Variants in ZNF48 observed in about 807,000 individuals in gnomAD.
The protein encoded by ZNF48 is zinc finger protein 553.
A neutral mutation model predicts 40.0 loss-of-function variants in ZNF48; 20 were observed. That is an observed-to-expected ratio of 0.50 (90% CI 0.35 to 0.73). The LOEUF is 0.73. Ranked by LOEUF, ZNF48 falls within the 30% of genes least tolerant of loss-of-function variation. The pLI, the probability that ZNF48 is intolerant of heterozygous loss-of-function variation, is 0.01. For missense variants in ZNF48, 726 were observed against 851.9 expected, an observed-to-expected ratio of 0.85 and a Z score of 1.84; for synonymous variants, 298 against 329.7, an observed-to-expected ratio of 0.90 and a Z score of 1.04.
chr16:30,390,608 T>G (rs929482733), upstream of ZNF48, among the ~76,000 whole-genome samples: 9 of 48,338 alleles, frequency 1.9e-4, no homozygotes, highest in East Asian at 0.017. Context: ...CGGGTTTTTT[T>G]TTTTTTTTTT....
rs1418287816 is a variant in ZNF48 at position 30,378,899 on chromosome 16, GGA to G, written c.-16+496_-16+497del. ...GAGAGGGAGGGAGGGAGGGAGGGAG[GGA>G]GAGAGAAGTCTGAGTGGTGAAGGCG... On this transcript the variant is annotated intron_variant, in intron 1 of 2. Transcript: ENST00000528032. 1.7e-5 allele frequency: 16 copies of G among 957,652 alleles called. No individual in the cohort carries two copies. The East Asian group carries it at 3.7e-4, about 22-fold the overall frequency. The allele number at this position is 957,652 out of a possible 1,614,324, so 59.3% of individuals were successfully genotyped here.
intron 1 of ZNF48, among the ~76,000 whole-genome samples, chr16:30,388,726 T>C (rs1488222036): frequency 6.8e-6 from 1 of 146,476 alleles, no homozygotes; most frequent in African/African-American, 2.5e-5. Flanking sequence ...CCATCTCTAC[T>C]AAAAAAAAAA....
rs750821321 is a variant in ZNF48 at position 30,397,803 on chromosome 16, A to G, written c.553A>G (p.Ile185Val). The G allele has an allele frequency of 5.6e-6, 9 of 1,613,318 alleles. No individual in the cohort carries two copies. The change falls in exon 3 of 3, where the codon ATC becomes GTC. Residue 185 changes from isoleucine (I) to valine (V), a missense_variant. By Grantham distance (29) the Ile-to-Val change is conservative. Around this residue, in one of 5 missense-constraint regions of ZNF48, gnomAD observed 378 missense variants for 449.1 expected, o/e 0.84. Coordinates refer to ENST00000613509, the MANE Select transcript of ZNF48 (RefSeq NM_001214909.2). The surrounding 1 kb of genome is among the most constrained non-coding windows in gnomAD (Gnocchi z 4.1). ...QGPPKIPRSRIPAGERPTICG... is the reference protein window; with the variant it reads ...QGPPKIPRSRVPAGERPTICG... ...TCCCCCAAAGATTCCTCGGTCCCGG[A>G]TCCCTGCTGGTGAGCGCCCCACTAT...
Position 30,389,626 on chromosome 16 carries a change from A to G in ZNF48, c.-15-6154A>G, listed in dbSNP as rs574404775. Among the ~76,000 whole-genome samples the G allele has an allele frequency of 5.3e-5, 8 of 150,462 alleles. No individual in the cohort carries two copies. The South Asian group carries it at 1.0e-3, about 20-fold the overall frequency. Reference sequence around the variant, plus strand: ...GGTCATTGTGTTAAATGTAGAGTTTATATGAATTAACAGTGACACCATAGT... The same window carrying G: ...GGTCATTGTGTTAAATGTAGAGTTTGTATGAATTAACAGTGACACCATAGT... On this transcript the variant is annotated intron_variant, in intron 1 of 2. Transcript: ENST00000528032.
At chr16:30,389,264 C>A (rs544751070) in intron 1 of ZNF48, among the ~76,000 whole-genome samples, 103 of 151,158 alleles carry the variant, frequency 6.8e-4, no homozygotes, top group Non-Finnish European at 1.2e-3. Context: ...TGGTAGTGGG[C>A]CCTGTAGTCC....
At chr16:30,388,813 G>C (rs2049920222) in intron 1 of ZNF48, among the ~76,000 whole-genome samples, 1 of 152,068 alleles carries the variant, frequency 6.6e-6, no homozygotes, top group Non-Finnish European at 1.5e-5. Flanking sequence ...AGAATTGCTT[G>C]AACTCAGGAT....
upstream of ZNF48, among the ~76,000 whole-genome samples, chr16:30,393,595 G>A (rs2049957868): frequency 6.6e-6 from 1 of 152,050 alleles, no homozygotes; most frequent in Admixed American, 6.5e-5. Flanking sequence ...ATGTTGGCCA[G>A]ATTGGTCTCA....
upstream of ZNF48, among the ~76,000 whole-genome samples, chr16:30,393,212 G>A (rs1487504226): frequency 6.6e-6 from 1 of 151,964 alleles, no homozygotes; most frequent in African/African-American, 2.4e-5. Context: ...AAGTAGCTGG[G>A]ATTACAGGCG....
chr16:30,379,640 C>CT (rs71149011), intron 1 of ZNF48: 36,462 of 232,128 alleles, frequency 0.16, 5,166 homozygotes, highest in Non-Finnish European at 0.18. Flanking sequence ...GCCCCTTCCT[C>CT]TTTTTTTTTT....
Position 30,398,286 on chromosome 16 carries a change from C to A in ZNF48, c.1036C>A (p.Arg346=). The A allele has an allele frequency of 6.2e-7, 1 of 1,613,510 alleles. No homozygotes were observed. Among genetic ancestry groups the A allele is most frequent in the South Asian group, 1.1e-5 (1 of 91,084 alleles). The part of the protein sequence containing the change: ...CGKGFADSSA[R]VKHLRTHSGE... ...CAAAGGTTTCGCGGACAGCTCCGCC[C>A]GAGTCAAACACCTCCGCACCCACAG... The change falls in exon 3 of 3, where the codon CGA becomes AGA. Residue 346 remains arginine, a synonymous_variant. Coordinates refer to ENST00000613509, the MANE Select transcript of ZNF48 (RefSeq NM_001214909.2). This position sits in a 1 kb window ranked among gnomAD's most constrained non-coding sequence, Gnocchi z 6.6.
intron 1 of ZNF48, chr16:30,378,620 TTCTC>T: frequency 1.2e-6 from 2 of 1,610,934 alleles, no homozygotes; most frequent in Non-Finnish European, 1.7e-6. Context: ...CTCTTCGTCT[TTCTC>T]GCGGATCAGC....
In ZNF48 at chr16:30,398,483, G is replaced by T. The variant is rs775733277; in HGVS notation, c.1233G>T (p.Pro411=). The change falls in exon 3 of 3, where the codon CCG becomes CCT. Residue 411 remains proline, a synonymous_variant. Coordinates refer to ENST00000613509, the MANE Select transcript of ZNF48 (RefSeq NM_001214909.2). This position sits in a 1 kb window ranked among gnomAD's most constrained non-coding sequence, Gnocchi z 6.6. The stretch of plus-strand genomic sequence containing the variant: ...CACCTCCTCTGGGCACCAGCCCCCC[G>T]CTGACACCTCGAAGTCCCTCACACT... ...PPPPPLGTSP[P]LTPRSPSHSG... 1 of 1,232,882 alleles carries T rather than the reference G, an allele frequency of 8.1e-7. No individual in the cohort carries two copies. The highest frequency in any genetic ancestry group is 1.1e-6 in the Non-Finnish European group (1 of 916,800). 76.4% of individuals were successfully genotyped at this position (1,232,882 alleles called of 1,614,324 possible).
At position 30,395,437 on chromosome 16, in the gene ZNF48, G is replaced by GC; in HGVS notation, c.-152dup. ...CTTCCCGTCCCCGCCCCCGGTGGCC[G>GC]CCCCCGGGACGCCTGGGTCCGAGCC... On this transcript the variant is annotated 5_prime_UTR_variant, in exon 1 of 3. Transcript: ENST00000613509. The surrounding 1 kb of genome is among the most constrained non-coding windows in gnomAD (Gnocchi z 5.9). 2.8e-6 allele frequency: 1 copy of GC among 353,954 alleles called. No individual in the cohort carries two copies. Among genetic ancestry groups the GC allele is most frequent in the Non-Finnish European group, 5.5e-6 (1 of 180,892 alleles). The allele number at this position is 353,954 out of a possible 1,614,324, so 21.9% of individuals were successfully genotyped here. A position where few individuals can be genotyped will look rare whatever the true frequency, so the allele number is the denominator to read the frequency against.
rs2049867540 is a variant in ZNF48 at position 30,382,655 on chromosome 16, G to A, written c.-16+4245G>A. 2.0e-6 allele frequency: 3 copies of A among 1,537,410 alleles called. No homozygotes were observed. The highest frequency in any genetic ancestry group is 2.7e-5 in the African/African-American group (2 of 73,102). The stretch of plus-strand genomic sequence containing the variant: ...AGATGCTCAAACTGGCCCAGTCCCA[G>A]AGAGGTGGGGAAGGCCAAGGCCAAG... On this transcript the variant is annotated intron_variant, in intron 1 of 2. Transcript: ENST00000528032. This position sits in a 1 kb window ranked among gnomAD's most constrained non-coding sequence, Gnocchi z 4.8.
At chr16:30,379,400 T>C (rs1367906933) in intron 1 of ZNF48, 1 of 1,579,632 alleles carries the variant, frequency 6.3e-7, no homozygotes, top group East Asian at 2.2e-5. Flanking sequence ...CCGGGCTCCC[T>C]GCTGGCCTTA....
chr16:30,389,502 G>A (rs2049926261), intron 1 of ZNF48, among the ~76,000 whole-genome samples: 1 of 151,574 alleles, frequency 6.6e-6, no homozygotes, highest in African/African-American at 2.4e-5. Flanking sequence ...GAACCTGGGA[G>A]GCAGAGGTTG....
Position 30,400,106 on chromosome 16 carries a change from G to C in ZNF48, c.*999G>C, listed in dbSNP as rs554868448. 6.6e-6 allele frequency: 1 copy of C among 152,180 alleles called. No individual in the cohort carries two copies. Among genetic ancestry groups the C allele is most frequent in the Non-Finnish European group, 1.5e-5 (1 of 68,044 alleles). 9.4% of individuals were successfully genotyped at this position (152,180 alleles called of 1,614,324 possible). ...CATTAAATAAAGAGGTTGTCTTGGC[G>C]TAGTCAGCGGCTTTCTAGCTCCGAC... On this transcript the variant is annotated 3_prime_UTR_variant, in exon 3 of 3. Transcript: ENST00000613509.
At chr16:30,395,145 G>C (rs1314381414), upstream of ZNF48, 1 of 449,012 alleles carries the variant, frequency 2.2e-6, no homozygotes, top group Non-Finnish European at 4.5e-6. The surrounding 1 kb of genome is among the most constrained non-coding windows in gnomAD (Gnocchi z 5.9). Flanking sequence ...AGTGGCTGGC[G>C]CTGTCGGCCG....
chr16:30,399,196 G>C lies in ZNF48; in HGVS notation c.*89G>C. ...AGAAAGGGCCTGGGAGGTGGTGGGA[G>C]GGAGAAGGAAGGGAAGAAAGGGGAG... On this transcript the variant is annotated 3_prime_UTR_variant, in exon 3 of 3. Transcript: ENST00000613509. 1 of 1,287,654 alleles carries C rather than the reference G, an allele frequency of 7.8e-7. No individual in the cohort carries two copies. The highest frequency in any genetic ancestry group is 1.5e-5 in the South Asian group (1 of 67,420). 79.8% of individuals were successfully genotyped at this position (1,287,654 alleles called of 1,614,324 possible). A position where few individuals can be genotyped will look rare whatever the true frequency, so the allele number is the denominator to read the frequency against.
Sources: gnomAD v4.1 joint callset for allele counts (sites outside exome capture counted in the v4.1 genomes callset) on GRCh38, gnomAD v4.1.1 for gene constraint, gnomAD v4.1.1 regional missense constraint, Gnocchi (gnomAD v3.1) non-coding constraint, MANE v1.5 for transcripts, NCBI Gene and HGNC (gene_info 2026-07-23, HGNC 2026-07-21) for gene names.